CNOT4: variants seen among roughly 807,000 people sequenced by gnomAD.
CNOT4 encodes the protein CCR4-NOT transcription complex subunit 4.
Under a neutral mutation model 73.8 loss-of-function variants are expected in CNOT4, and 8 were observed. That is an observed-to-expected ratio of 0.11 (90% CI 0.06 to 0.20). The LOEUF is 0.20. Among genes scored for constraint, CNOT4 ranks in the 10% least tolerant of loss-of-function variants. The pLI, the probability that CNOT4 is intolerant of heterozygous loss-of-function variation, is 1.00. For missense variants in CNOT4, 564 were observed against 883.4 expected, an observed-to-expected ratio of 0.64 and a Z score of 4.58; for synonymous variants, 293 against 321.1, an observed-to-expected ratio of 0.91 and a Z score of 0.94.
chr7:135,433,652 C>G (rs1174433604), intron 2 of CNOT4, among the ~76,000 whole-genome samples: 3 of 152,128 alleles, frequency 2.0e-5, no homozygotes, highest in Admixed American at 6.5e-5. Flanking sequence ...GCCACCATGT[C>G]CAAACCACCA....
intron 3 of CNOT4, among the ~76,000 whole-genome samples, chr7:135,420,525 C>T (rs1798127340): frequency 7.3e-6 from 1 of 137,576 alleles, no homozygotes; most frequent in Admixed American, 8.1e-5. Context: ...TGCAGTGAAC[C>T]ATGATCATAC....
At chr7:135,465,258 T>C (rs1163216291) in intron 1 of CNOT4, among the ~76,000 whole-genome samples, 1 of 152,206 alleles carries the variant, frequency 6.6e-6, no homozygotes, top group Non-Finnish European at 1.5e-5. Context: ...TTTTTTTCTA[T>C]TACTGTTAGA....
chr7:135,506,934 C>T (rs1311476779), intron 1 of CNOT4, among the ~76,000 whole-genome samples: 1 of 151,846 alleles, frequency 6.6e-6, no homozygotes, highest in African/African-American at 2.4e-5. Context: ...ATTTATTAAA[C>T]TGAAGAATAT....
chr7:135,414,808 ACTATT>A (rs1170998174), intron 4 of CNOT4, among the ~76,000 whole-genome samples: 2 of 152,098 alleles, frequency 1.3e-5, no homozygotes, highest in African/African-American at 2.4e-5. Flanking sequence ...AATCTGGAAA[ACTATT>A]CTATCTGATA....
chr7:135,447,636 G>A (rs1715855523), intron 1 of CNOT4, among the ~76,000 whole-genome samples: 1 of 152,182 alleles, frequency 6.6e-6, no homozygotes, highest in African/African-American at 2.4e-5. Flanking sequence ...CCCAGAGATA[G>A]CTGGGAATCT....
At chr7:135,507,589 T>G (rs1285751305) in intron 1 of CNOT4, among the ~76,000 whole-genome samples, 1 of 152,128 alleles carries the variant, frequency 6.6e-6, no homozygotes, top group East Asian at 1.9e-4. Flanking sequence ...TGAGAAAATA[T>G]TTCGTGAGAC....
intron 10 of CNOT4, among the ~76,000 whole-genome samples, chr7:135,378,452 C>T (rs1464141523): frequency 2.0e-5 from 3 of 151,310 alleles, no homozygotes; most frequent in East Asian, 1.9e-4. Context: ...TGCAGTGAGC[C>T]GACGTCGCAC....
chr7:135,504,476 T>A (rs1181907586), intron 1 of CNOT4, among the ~76,000 whole-genome samples: 3 of 54,254 alleles, frequency 5.5e-5, no homozygotes, highest in African/African-American at 9.5e-5. Flanking sequence ...TTTTTTTTTT[T>A]TTTTTTTTTT....
At chr7:135,502,816 C>CA (rs56358299) in intron 1 of CNOT4, among the ~76,000 whole-genome samples, 6,767 of 58,780 alleles carry the variant, frequency 0.12, 211 homozygotes, top group Middle Eastern at 0.19. Flanking sequence ...AACTCCATCT[C>CA]AAAAAAAAAA....
At chr7:135,484,181 T>G (rs1413223289) in intron 1 of CNOT4, among the ~76,000 whole-genome samples, 2 of 152,012 alleles carry the variant, frequency 1.3e-5, no homozygotes, top group African/African-American at 4.8e-5. Context: ...GGTGACAGAG[T>G]GGGACCTCAT....
In CNOT4 at chr7:135,443,280, A is replaced by G. The variant is rs562228649; in HGVS notation, c.-92-4857T>C. On this transcript the variant is annotated intron_variant, in intron 1 of 11. Transcript: ENST00000541284. ...TGGGGTGGGAAGATTGCTGGAGTCC[A>G]GGAAGCAGAGGTTTCAGTGAGCCTA... Among the ~76,000 whole-genome samples the G allele has an allele frequency of 9.2e-4, 140 of 151,396 alleles. 2 individuals carry two copies. Among genetic ancestry groups the G allele is most frequent in the Middle Eastern group, 3.4e-3 (1 of 292 alleles).
Position 135,504,850 on chromosome 7 carries a change from G to T in CNOT4, c.-93+5039C>A, listed in dbSNP as rs188007477. ...TCACCATGTTGGCCAGGCTGGTCTCGAACTCCTGACCTCGTGATCTGCCCA... is the reference window on the plus strand; with the variant it reads ...TCACCATGTTGGCCAGGCTGGTCTCTAACTCCTGACCTCGTGATCTGCCCA... On this transcript the variant is annotated intron_variant, in intron 1 of 11. Transcript: ENST00000541284. Among the ~76,000 whole-genome samples, 493 of 150,502 alleles carry T rather than the reference G, an allele frequency of 3.3e-3. 3 individuals carry two copies. Among genetic ancestry groups the T allele is most frequent in the Non-Finnish European group, 5.3e-3 (356 of 67,792 alleles).
chr7:135,372,368 A>G (rs1462610676), intron 10 of CNOT4, among the ~76,000 whole-genome samples: 3 of 152,154 alleles, frequency 2.0e-5, no homozygotes, highest in Non-Finnish European at 4.4e-5. Context: ...CATCCTCGCT[A>G]TTTTGCAAAT....
rs1386049584 is a variant in CNOT4 at position 135,362,899 on chromosome 7, G to C, written c.2128C>G (p.Leu710Val). The change falls in exon 12 of 12, where the codon CTG becomes GTG. Residue 710 changes from leucine to valine, a missense_variant. Physicochemically the swap from Leu to Val is conservative, Grantham distance 32. This residue lies in a region of CNOT4 where 88 missense variants were observed against 94.7 expected (regional missense o/e 0.93). Coordinates refer to ENST00000541284, the MANE Select transcript of CNOT4 (RefSeq NM_001190850.2). Reference protein sequence around the residue: ...TPTDLLQSSTLDRH With the variant: ...TPTDLLQSSTVDRH ...CTCCTCTTTGCCTAATGGCGGTCCA[G>C]TGTTGAACTCTGTAGTAAATCTGTG... 1 of 1,613,550 alleles carries C rather than the reference G, an allele frequency of 6.2e-7. No homozygotes were observed. The highest frequency in any genetic ancestry group is 1.3e-5 in the African/African-American group (1 of 74,802).
chr7:135,388,210 AAAAG>A (rs1796219589), intron 10 of CNOT4: 1 of 985,202 alleles, frequency 1.0e-6, no homozygotes, highest in Non-Finnish European at 1.2e-6. Context: ...GCAAAAGTGC[AAAAG>A]AGAGAGAACA....
chr7:135,504,058 T>C (rs956560069), intron 1 of CNOT4, among the ~76,000 whole-genome samples: 1 of 152,206 alleles, frequency 6.6e-6, no homozygotes, highest in African/African-American at 2.4e-5. Flanking sequence ...TCTAAGGGAA[T>C]GGATTAAAAG....
chr7:135,438,483 T>A, intron 1 of CNOT4, 60 bp from the exon 2 acceptor site: 1 of 513,750 alleles, frequency 1.9e-6, no homozygotes, highest in Non-Finnish European at 3.2e-6. Flanking sequence ...AGTCAACAAT[T>A]AAGAGTCACA....
At chr7:135,436,785 G>A (rs1563049762) in intron 2 of CNOT4, among the ~76,000 whole-genome samples, 1 of 151,738 alleles carries the variant, frequency 6.6e-6, no homozygotes, top group Non-Finnish European at 1.5e-5. Context: ...AAAATCTAAT[G>A]ATAAATAAAC....
intron 1 of CNOT4, among the ~76,000 whole-genome samples, chr7:135,442,566 T>C (rs971509267): frequency 3.3e-5 from 5 of 152,216 alleles, no homozygotes; most frequent in Non-Finnish European, 5.9e-5. Context: ...GCCACTGCAC[T>C]GCAGCCTGGG....
Sources: allele counts gnomAD v4.1 joint callset (sites outside exome capture counted in the v4.1 genomes callset), GRCh38; gene constraint gnomAD v4.1.1; regional missense constraint gnomAD v4.1.1; transcripts MANE v1.5; gene names NCBI Gene and HGNC (gene_info 2026-07-23, HGNC 2026-07-21).